PRKACB: variants seen among roughly 807,000 people sequenced by gnomAD.
The protein encoded by PRKACB is cAMP-dependent protein kinase catalytic subunit beta.
PRKACB carries 16 observed loss-of-function variants against 51.4 expected under a neutral mutation model. That is an observed-to-expected ratio of 0.31 (90% CI 0.21 to 0.47). The LOEUF (loss-of-function observed/expected upper bound fraction) is 0.47, where lower values mean the gene tolerates loss of function less well. Ranked by LOEUF, PRKACB falls within the 20% of genes least tolerant of loss-of-function variation. The probability of loss-of-function intolerance (pLI) is 1.00; values close to 1 mark genes in which losing one functional copy is unlikely to be tolerated. For synonymous variants in PRKACB, 147 were observed against 154.4 expected, an observed-to-expected ratio of 0.95 and a Z score of 0.35; for missense variants, 309 against 464.5, an observed-to-expected ratio of 0.67 and a Z score of 3.08.
intron 1 of PRKACB, among the ~76,000 whole-genome samples, chr1:84,113,547 C>G (rs1396086555): frequency 6.6e-6 from 1 of 152,182 alleles, no homozygotes; most frequent in African/African-American, 2.4e-5. Context: ...AAACACTCCT[C>G]CACACAATAA....
rs754531828 is a variant in PRKACB at position 84,164,676 on chromosome 1, T to A, written c.188-14501T>A. 620 of 1,395,024 alleles carry A rather than the reference T, an allele frequency of 4.4e-4. 1 individual carries two copies. Among genetic ancestry groups the A allele is most frequent in the Admixed American group, 5.0e-4 (17 of 34,160 alleles). 86.4% of individuals were successfully genotyped at this position (1,395,024 alleles called of 1,614,324 possible). Reference sequence around the variant, plus strand: ...ATTGAGAACATCTTATACATCCTGGTTCGAACATTTTCTCCCTGCCATTTT... The same window carrying A: ...ATTGAGAACATCTTATACATCCTGGATCGAACATTTTCTCCCTGCCATTTT... On this transcript the variant is annotated intron_variant, in intron 1 of 9. Transcript: ENST00000370685.
At chr1:84,161,082 A>G (rs1039468348) in intron 1 of PRKACB, among the ~76,000 whole-genome samples, 2 of 151,820 alleles carry the variant, frequency 1.3e-5, no homozygotes, top group Admixed American at 6.6e-5. Context: ...ATTTCCAACT[A>G]TTAGTATTAA....
At chr1:84,199,953 C>G (rs1402246226) in intron 7 of PRKACB, among the ~76,000 whole-genome samples, 1 of 152,056 alleles carries the variant, frequency 6.6e-6, no homozygotes, top group African/African-American at 2.4e-5. Flanking sequence ...TCAAGCGATT[C>G]TCGTGCTTCA....
intron 1 of PRKACB, among the ~76,000 whole-genome samples, chr1:84,167,041 C>A (rs1657727432): frequency 6.6e-6 from 1 of 151,536 alleles, no homozygotes; most frequent in Non-Finnish European, 1.5e-5. Context: ...TTGTTTCTTA[C>A]CCTCAGACAT....
At chr1:84,173,309 GTTTA>G in intron 1 of PRKACB, 2 of 1,557,380 alleles carry the variant, frequency 1.3e-6, no homozygotes, top group Non-Finnish European at 1.7e-6. Flanking sequence ...TTTAATCTCT[GTTTA>G]TTCTTTTTGA....
intron 1 of PRKACB, chr1:84,086,287 G>C: frequency 8.5e-7 from 1 of 1,179,604 alleles, no homozygotes. Context: ...AGTAGAACTT[G>C]GCCCTTCCTG....
At chr1:84,127,046 A>G (rs563435562) in intron 1 of PRKACB, among the ~76,000 whole-genome samples, 20 of 152,220 alleles carry the variant, frequency 1.3e-4, no homozygotes, top group Non-Finnish European at 2.5e-4. Context: ...TTATTCCTCT[A>G]TCTGGGTCTT....
chr1:84,222,941 T>C (rs1421623446), intron 9 of PRKACB, among the ~76,000 whole-genome samples: 1 of 152,210 alleles, frequency 6.6e-6, no homozygotes, highest in African/African-American at 2.4e-5. Context: ...TGTTTTTAGA[T>C]GTCTGTCTTG....
At chr1:84,157,473 A>T (rs1435519763) in intron 1 of PRKACB, 1 of 152,140 alleles carries the variant, frequency 6.6e-6, no homozygotes, top group Admixed American at 6.6e-5. Context: ...AGTAAATTTA[A>T]GGATTTGCGC....
rs1649750544 is a variant in PRKACB at position 84,106,381 on chromosome 1, C to T, written c.46+28010C>T. Among the ~76,000 whole-genome samples, 5 of 152,078 alleles carry T rather than the reference C, an allele frequency of 3.3e-5. No homozygotes were observed. The South Asian group carries it at 1.0e-3, about 32-fold the overall frequency. On this transcript the variant is annotated intron_variant, in intron 1 of 8. Transcript: ENST00000370688. The stretch of plus-strand genomic sequence containing the variant: ...AACTCCATAGTCTGCCCAGAAGCTC[C>T]CTGATCTGATACACAACTTCAACGA...
intron 1 of PRKACB, among the ~76,000 whole-genome samples, chr1:84,135,067 C>T (rs1418162229): frequency 6.6e-6 from 1 of 151,888 alleles, no homozygotes; most frequent in Non-Finnish European, 1.5e-5. Flanking sequence ...TAAAAAGGAG[C>T]GAGATGGAGA....
intron 1 of PRKACB, among the ~76,000 whole-genome samples, chr1:84,132,413 A>C (rs1262122029): frequency 1.3e-5 from 2 of 152,204 alleles, no homozygotes; most frequent in African/African-American, 2.4e-5. Context: ...TGGCCAGATT[A>C]ACAAATCCAC....
At chr1:84,203,887 ATTTC>A (rs1252600160) in intron 8 of PRKACB, among the ~76,000 whole-genome samples, 1 of 151,838 alleles carries the variant, frequency 6.6e-6, no homozygotes, top group Non-Finnish European at 1.5e-5. Flanking sequence ...GAAGGTCTTT[ATTTC>A]TTTGTATCTC....
At chr1:84,184,934 G>A (rs562759038) in intron 4 of PRKACB, among the ~76,000 whole-genome samples, 166 bp from the exon 5 acceptor site, 6 of 151,920 alleles carry the variant, frequency 3.9e-5, no homozygotes, top group Non-Finnish European at 8.8e-5. Context: ...GGAAAAATAT[G>A]AGTGTCTCTG....
At chr1:84,235,033 C>G in intron 9 of PRKACB, 147 bp from the exon 10 acceptor site, 1 of 813,336 alleles carries the variant, frequency 1.2e-6, no homozygotes, top group East Asian at 2.7e-5. Flanking sequence ...CTTGCTGCTT[C>G]TTCTAGCACT....
chr1:84,149,884 A>G (rs966328155), intron 1 of PRKACB, among the ~76,000 whole-genome samples: 4 of 152,178 alleles, frequency 2.6e-5, no homozygotes, highest in African/African-American at 7.2e-5. Flanking sequence ...GGAGTTAATT[A>G]TTATAATAAT....
At chr1:84,163,393 C>T (rs1656508714) in intron 1 of PRKACB, among the ~76,000 whole-genome samples, 2 of 151,996 alleles carry the variant, frequency 1.3e-5, no homozygotes, top group Non-Finnish European at 2.9e-5. Flanking sequence ...GTTGCTTAGC[C>T]CTACCAAGGC....
At chr1:84,081,141 A>G (rs1647499659) in intron 1 of PRKACB, among the ~76,000 whole-genome samples, 1 of 152,228 alleles carries the variant, frequency 6.6e-6, no homozygotes, top group African/African-American at 2.4e-5. Flanking sequence ...AGTTAGCACC[A>G]AGCTTCAGAA....
intron 7 of PRKACB, among the ~76,000 whole-genome samples, chr1:84,199,250 C>G (rs1030847248): frequency 6.6e-6 from 1 of 151,714 alleles, no homozygotes; most frequent in Admixed American, 6.6e-5. Context: ...TTTCATCACT[C>G]AGGAATTAAG....
Sources: gnomAD v4.1 joint callset for allele counts (sites outside exome capture counted in the v4.1 genomes callset) on GRCh38, gnomAD v4.1.1 for gene constraint, MANE v1.5 for transcripts, NCBI Gene and HGNC (gene_info 2026-07-23, HGNC 2026-07-21) for gene names.